The following ACOXL variants were observed in gnomAD, a reference collection of about 807,000 sequenced individuals.
ACOXL encodes acyl-CoA oxidase like.
ACOXL carries 70 observed loss-of-function variants against 71.9 expected under a neutral mutation model. The observed-to-expected ratio is 0.97, with a 90% confidence interval of 0.80 to 1.19. ACOXL has a LOEUF of 1.19. Ranked by LOEUF, ACOXL falls within the 50% of genes most tolerant of loss-of-function variation. The pLI is 0.00. For synonymous variants in ACOXL, 253 were observed against 281.6 expected (o/e 0.90, Z 1.02); for missense variants, 703 against 736.3 (o/e 0.95, Z 0.52).
intron 17 of ACOXL, among the ~76,000 whole-genome samples, chr2:111,104,242 T>TTATCTTTTATCCTA (rs2069377266): frequency 6.6e-6 from 1 of 152,218 alleles, no homozygotes; most frequent in African/African-American, 2.4e-5. Context: ...GAAGGATATG[T>TTATCTTTTATCCTA]GGATTGTTTT....
At chr2:110,915,429 T>TATA (rs1491526041) in intron 11 of ACOXL, among the ~76,000 whole-genome samples, 3 of 74,558 alleles carry the variant, frequency 4.0e-5, no homozygotes, top group African/African-American at 1.5e-4. Context: ...TATATATATA[T>TATA]TTTTTTTTTT....
At chr2:110,897,864 A>G (rs1171435106) in intron 10 of ACOXL, among the ~76,000 whole-genome samples, 1 of 152,200 alleles carries the variant, frequency 6.6e-6, no homozygotes, top group Non-Finnish European at 1.5e-5. Context: ...ACTGTCAAAG[A>G]AAAAAGAGAC....
chr2:111,001,217 G>A (rs2063611684), intron 14 of ACOXL, among the ~76,000 whole-genome samples: 1 of 152,136 alleles, frequency 6.6e-6, no homozygotes, highest in Admixed American at 6.5e-5. Context: ...GAGATTTGTG[G>A]GTGTGGCTTT....
chr2:110,848,790 C>T (rs1692229145), intron 10 of ACOXL, among the ~76,000 whole-genome samples: 1 of 152,234 alleles, frequency 6.6e-6, no homozygotes, highest in Non-Finnish European at 1.5e-5. Flanking sequence ...TCCGGGGAGC[C>T]TTCTGCCTGC....
chr2:110,743,980 A>G (rs949186857), intron 1 of ACOXL, among the ~76,000 whole-genome samples: 23 of 152,174 alleles, frequency 1.5e-4, no homozygotes, highest in Admixed American at 3.9e-4. Context: ...GCTGGGTACA[A>G]TTGGGGTGCT....
chr2:110,798,460 G>C, intron 5 of ACOXL, 150 bp from the exon 6 acceptor site: 1 of 572,136 alleles, frequency 1.7e-6, no homozygotes, highest in South Asian at 1.9e-5. Context: ...GTTTCACCAT[G>C]TTAGCCAGGA....
intron 10 of ACOXL, among the ~76,000 whole-genome samples, chr2:110,874,644 A>C (rs913860034): frequency 4.6e-5 from 7 of 152,168 alleles, no homozygotes; most frequent in Admixed American, 4.6e-4. Context: ...TAAAATAGTA[A>C]TAATGGTGCT....
At chr2:110,963,394 A>G (rs571418833) in intron 12 of ACOXL, among the ~76,000 whole-genome samples, 6 of 152,314 alleles carry the variant, frequency 3.9e-5, no homozygotes, top group Middle Eastern at 3.4e-3. Flanking sequence ...AGTTTTTACT[A>G]CCACCAAAAT....
At chr2:110,745,277 C>G (rs1055712873) in intron 1 of ACOXL, among the ~76,000 whole-genome samples, 3 of 152,200 alleles carry the variant, frequency 2.0e-5, no homozygotes, top group Admixed American at 6.5e-5. Flanking sequence ...TGTGCAACAG[C>G]TCAGCAGCCA....
chr2:111,015,955 C>A (rs72836304), intron 14 of ACOXL, among the ~76,000 whole-genome samples: 1 of 152,028 alleles, frequency 6.6e-6, no homozygotes, highest in African/African-American at 2.4e-5. Context: ...GTTTTAGAGA[C>A]GGGATCTTAC....
intron 16 of ACOXL, among the ~76,000 whole-genome samples, chr2:111,076,642 A>G (rs542529962): frequency 6.6e-6 from 1 of 151,964 alleles, no homozygotes. Context: ...TCTTCTTTTC[A>G]TTCCTCCATT....
intron 10 of ACOXL, among the ~76,000 whole-genome samples, chr2:110,850,629 C>T (rs1692486703): frequency 6.6e-6 from 1 of 152,066 alleles, no homozygotes; most frequent in Admixed American, 6.5e-5. Context: ...TCAAAACTTC[C>T]CAACACAAAC....
At chr2:111,109,671 A>ATTTTTTCTTTTTTTTTT (rs2069802961) in intron 17 of ACOXL, among the ~76,000 whole-genome samples, 1 of 75,644 alleles carries the variant, frequency 1.3e-5, no homozygotes, top group Non-Finnish European at 2.4e-5. Flanking sequence ...TTCTCCTTCT[A>ATTTTTTCTTTTTTTTTT]TTTTTTTTTT....
intron 10 of ACOXL, among the ~76,000 whole-genome samples, chr2:110,904,723 A>G (rs899213102): frequency 4.6e-5 from 7 of 152,060 alleles, no homozygotes; most frequent in African/African-American, 1.4e-4. Flanking sequence ...TGAAGGGAAA[A>G]TGTGGGCAAG....
chr2:110,754,988 T>A (rs1354938630), intron 1 of ACOXL, among the ~76,000 whole-genome samples: 1 of 152,214 alleles, frequency 6.6e-6, no homozygotes, highest in Non-Finnish European at 1.5e-5. Flanking sequence ...ACACTTGGTA[T>A]GGTCAGCATT....
intron 16 of ACOXL, among the ~76,000 whole-genome samples, chr2:111,086,168 C>T (rs1036782225): frequency 6.6e-6 from 1 of 152,156 alleles, no homozygotes; most frequent in South Asian, 2.1e-4. Context: ...ACTACTGAAA[C>T]TATTTCAAAA....
At chr2:110,837,237 G>T (rs1186339191) in intron 9 of ACOXL, among the ~76,000 whole-genome samples, 2 of 152,084 alleles carry the variant, frequency 1.3e-5, no homozygotes. Context: ...ACCTGCTCTT[G>T]GCAGCCATGT....
chr2:111,113,299 T>TA (rs529496106), intron 17 of ACOXL: 2 of 152,268 alleles, frequency 1.3e-5, no homozygotes, highest in Admixed American at 6.5e-5. Flanking sequence ...AATGGGTTGA[T>TA]ACCTGATAGA....
At chr2:110,748,725 C>T (rs1390669185) in intron 1 of ACOXL, among the ~76,000 whole-genome samples, 3 of 152,080 alleles carry the variant, frequency 2.0e-5, no homozygotes, top group East Asian at 1.9e-4. Flanking sequence ...GGTGCAGCTG[C>T]GGTGTTTATG....
Sources: allele counts gnomAD v4.1 joint callset (sites outside exome capture counted in the v4.1 genomes callset), GRCh38; gene constraint gnomAD v4.1.1; transcripts MANE v1.5; gene names NCBI Gene and HGNC (gene_info 2026-07-23, HGNC 2026-07-21).